Variants in AUTS2 observed in about 807,000 individuals in gnomAD.
The protein encoded by AUTS2 is activator of transcription and developmental regulator AUTS2.
In AUTS2, 17 loss-of-function variants were observed where a neutral mutation model predicts 112.4. The observed-to-expected ratio is 0.15, with a 90% CI of 0.10 to 0.23. AUTS2 has a LOEUF of 0.23. AUTS2 is among the 10% of genes least tolerant of loss of function. The pLI, the probability that AUTS2 is intolerant of heterozygous loss-of-function variation, is 1.00. For synonymous variants in AUTS2, 751 were observed against 702.7 expected, an observed-to-expected ratio of 1.07 and a Z score of -1.09; for missense variants, 1,510 against 1,701.6, an observed-to-expected ratio of 0.89 and a Z score of 1.98.
At chr7:70,504,262 G>A (rs560090446) in intron 5 of AUTS2, among the ~76,000 whole-genome samples, 93 of 151,926 alleles carry the variant, frequency 6.1e-4, no homozygotes, top group African/African-American at 2.2e-3. Flanking sequence ...AATGGAGCCA[G>A]GTTTAGAGAG....
At chr7:70,447,648 C>T (rs1796370426) in intron 5 of AUTS2, among the ~76,000 whole-genome samples, 2 of 152,176 alleles carry the variant, frequency 1.3e-5, no homozygotes, top group South Asian at 2.1e-4. Flanking sequence ...GCTGGACTCT[C>T]CCACATGCCA....
intron 4 of AUTS2, among the ~76,000 whole-genome samples, chr7:70,214,163 CA>C: frequency 6.6e-6 from 1 of 152,126 alleles, no homozygotes; most frequent in Non-Finnish European, 1.5e-5. Flanking sequence ...CAATTTGTTT[CA>C]AACTCTGTGC....
chr7:70,019,623 A>G (rs1800186010), intron 2 of AUTS2, among the ~76,000 whole-genome samples: 1 of 152,154 alleles, frequency 6.6e-6, no homozygotes, highest in Admixed American at 6.5e-5. Flanking sequence ...TGGCCCTGAC[A>G]CTAGCCCTGT....
intron 2 of AUTS2, among the ~76,000 whole-genome samples, chr7:70,086,968 T>G (rs1029159004): frequency 2.0e-5 from 3 of 151,960 alleles, no homozygotes; most frequent in African/African-American, 4.8e-5. Flanking sequence ...ATTTCTTTTC[T>G]TATATTATTG....
chr7:70,424,050 C>A (rs981217495), intron 4 of AUTS2, among the ~76,000 whole-genome samples: 1 of 152,164 alleles, frequency 6.6e-6, no homozygotes, highest in Admixed American at 6.5e-5. Flanking sequence ...TGATTTAATT[C>A]TCACAAAAAT....
chr7:70,220,175 CTT>C (rs1811399667), intron 4 of AUTS2, among the ~76,000 whole-genome samples: 1 of 152,166 alleles, frequency 6.6e-6, no homozygotes, highest in Non-Finnish European at 1.5e-5. Flanking sequence ...TCCAATAAAA[CTT>C]TATTTATGGA....
At chr7:69,600,068 G>A in intron 1 of AUTS2, 106 bp downstream of exon 1, 1 of 1,178,494 alleles carries the variant, frequency 8.5e-7, no homozygotes, top group East Asian at 2.7e-5. Context: ...CTGTCTGTCT[G>A]TCTGTCTGTC....
chr7:70,443,816 G>A (rs1327685159), intron 5 of AUTS2, among the ~76,000 whole-genome samples: 1 of 152,202 alleles, frequency 6.6e-6, no homozygotes, highest in African/African-American at 2.4e-5. Flanking sequence ...TGAGTAAGTA[G>A]CAGAGCAGTT....
intron 1 of AUTS2, among the ~76,000 whole-genome samples, chr7:69,697,143 G>A (rs1797595750): frequency 6.6e-6 from 1 of 152,212 alleles, no homozygotes; most frequent in African/African-American, 2.4e-5. Flanking sequence ...CAGTATGCCT[G>A]GGTGGGGCCT....
At chr7:70,306,867 T>C (rs1008630787) in intron 4 of AUTS2, among the ~76,000 whole-genome samples, 2 of 152,234 alleles carry the variant, frequency 1.3e-5, no homozygotes, top group African/African-American at 4.8e-5. Context: ...AGACTGCTGG[T>C]TCTTAAATTT....
chr7:69,989,773 T>C (rs1423018316), intron 2 of AUTS2, among the ~76,000 whole-genome samples: 1 of 152,126 alleles, frequency 6.6e-6, no homozygotes, highest in Non-Finnish European at 1.5e-5. Context: ...CCATAGCCCA[T>C]TGGGAACTGG....
intron 4 of AUTS2, among the ~76,000 whole-genome samples, chr7:70,251,514 A>G (rs1399220079): frequency 6.6e-6 from 1 of 152,084 alleles, no homozygotes; most frequent in Non-Finnish European, 1.5e-5. Context: ...ATTTTTCATC[A>G]GTTTTGGAAA....
chr7:70,541,318 T>C (rs935183241), intron 5 of AUTS2, among the ~76,000 whole-genome samples: 8 of 152,182 alleles, frequency 5.3e-5, no homozygotes, highest in Non-Finnish European at 1.2e-4. Flanking sequence ...CAGAGACCCA[T>C]GCCACCTTTT....
At chr7:70,392,700 C>G (rs1268067748) in intron 4 of AUTS2, among the ~76,000 whole-genome samples, 1 of 152,190 alleles carries the variant, frequency 6.6e-6, no homozygotes, top group Non-Finnish European at 1.5e-5. Context: ...AGCCTGCCTC[C>G]GCTTGCTAAC....
chr7:70,503,608 T>C (rs1585226854), intron 5 of AUTS2, among the ~76,000 whole-genome samples: 1 of 148,698 alleles, frequency 6.7e-6, no homozygotes, highest in Non-Finnish European at 1.5e-5. Context: ...AGCCTTGAAC[T>C]CCCAGCCCAA....
At chr7:70,641,277 CG>C (rs1043673406) in intron 5 of AUTS2, among the ~76,000 whole-genome samples, 9 of 152,130 alleles carry the variant, frequency 5.9e-5, no homozygotes, top group Admixed American at 1.3e-4. Context: ...TCGCCAGGCG[CG>C]GTGGCTCATG....
chr7:70,348,489 C>T (rs1397249435), intron 4 of AUTS2, among the ~76,000 whole-genome samples: 2 of 152,188 alleles, frequency 1.3e-5, no homozygotes, highest in Admixed American at 1.3e-4. Context: ...CAATTCAGTG[C>T]TCAGCAGGCA....
intron 1 of AUTS2, among the ~76,000 whole-genome samples, chr7:69,707,322 G>T (rs1798106268): frequency 6.6e-6 from 1 of 152,040 alleles, no homozygotes; most frequent in Non-Finnish European, 1.5e-5. Flanking sequence ...TGTTTTCTTT[G>T]GCTAGTTTCA....
intron 1 of AUTS2, among the ~76,000 whole-genome samples, chr7:69,724,250 C>G (rs1277876057): frequency 6.6e-6 from 1 of 152,156 alleles, no homozygotes; most frequent in Non-Finnish European, 1.5e-5. Flanking sequence ...TTTCTTGACT[C>G]TTTCTTTTCT....
Sources: allele counts gnomAD v4.1 joint callset (sites outside exome capture counted in the v4.1 genomes callset), GRCh38; gene constraint gnomAD v4.1.1; transcripts MANE v1.5; gene names NCBI Gene and HGNC (gene_info 2026-07-23, HGNC 2026-07-21).